The following MYLK4 variants were observed in gnomAD, a reference collection of about 807,000 sequenced individuals.
MYLK4 encodes the protein caMLCK like.
MYLK4 carries 46 observed loss-of-function variants against 48.1 expected under a neutral mutation model. The ratio of observed to expected loss-of-function variants is 0.96; its 90% confidence interval spans 0.75 to 1.22. The LOEUF is 1.22. Among genes scored for constraint, MYLK4 ranks in the 50% most tolerant of loss-of-function variants. The pLI, the probability that MYLK4 is intolerant of heterozygous loss-of-function variation, is 0.00. For synonymous variants in MYLK4, 170 were observed against 180.8 expected (o/e 0.94, Z 0.48); for missense variants, 451 against 486.1 (o/e 0.93, Z 0.68).
chr6:2,770,267 A>G, the MYLK4 span: 3 of 1,614,056 alleles, frequency 1.9e-6, no homozygotes, highest in East Asian at 2.2e-5. Flanking sequence ...AATGGTGACT[A>G]TTTTAATGCG....
rs762308686 is a variant in MYLK4 at position 2,749,193 on chromosome 6, C to T, written c.102G>A (p.Val34=). ...CAGAATTTTTTTCCAGAAAACACTT[C>T]ACTTTCTCCACCTCTTCCCTGCACT... is the stretch of plus-strand genomic sequence containing the variant. ...FFQCREEVEK[V]KCFLEKNSGD... is the part of the protein sequence containing the mutation. Residue 34 remains valine, a synonymous_variant, in exon 2 of 13, where the codon GTG becomes GTA. Coordinates refer to ENST00000274643, the MANE Select transcript of MYLK4 (RefSeq NM_001012418.5). The T allele has an allele frequency of 3.7e-6, 6 of 1,613,972 alleles. No individual in the cohort carries two copies. The highest frequency in any genetic ancestry group is 2.2e-5 in the East Asian group (1 of 44,880).
the MYLK4 span, among the ~76,000 whole-genome samples, chr6:2,764,004 C>T: frequency 2.0e-5 from 3 of 152,146 alleles, no homozygotes; most frequent in Non-Finnish European, 4.4e-5. Context: ...TGGTGGCGGA[C>T]GCCCGTAATT....
chr6:2,685,260 T>G lies in MYLK4; in HGVS notation c.545+36A>C. The G allele has an allele frequency of 1.3e-6, 2 of 1,492,896 alleles. No individual in the cohort carries two copies. The highest frequency in any genetic ancestry group is 1.9e-6 in the Non-Finnish European group (2 of 1,072,616). The allele number at this position is 1,492,896 out of a possible 1,614,324, so 92.5% of individuals were successfully genotyped here. A position where few individuals can be genotyped will look rare whatever the true frequency, so the allele number is the denominator to read the frequency against. On this transcript the variant is annotated intron_variant, in intron 6 of 12. Transcript: ENST00000274643. The surrounding 1 kb of genome is among the most constrained non-coding windows in gnomAD (Gnocchi z 4.5). Reference sequence around the variant, plus strand: ...GCACGGTCACGGTCATGAGTGCCCTTGGGGAGGTCAGGGAGGGGGCGGAGG... The same window carrying G: ...GCACGGTCACGGTCATGAGTGCCCTGGGGGAGGTCAGGGAGGGGGCGGAGG...
intron 2 of MYLK4, among the ~76,000 whole-genome samples, chr6:2,734,021 G>A (rs994469619): frequency 2.0e-5 from 3 of 151,884 alleles, no homozygotes; most frequent in Non-Finnish European, 2.9e-5. Flanking sequence ...AAGCCCAAAC[G>A]GACCACAGAC....
chr6:2,723,999 C>A (rs1379613124), intron 2 of MYLK4, among the ~76,000 whole-genome samples: 2 of 152,128 alleles, frequency 1.3e-5, no homozygotes, highest in Non-Finnish European at 2.9e-5. Flanking sequence ...GCCTCAGCCT[C>A]CCAAGTAACT....
chr6:2,666,443 C>T lies in MYLK4; in HGVS notation c.*1482G>A, dbSNP rs188652449. On this transcript the variant is annotated 3_prime_UTR_variant, in exon 13 of 13. Transcript: ENST00000274643. ...TACTCGGGAGGCTGCAGGAGAATCG[C>T]TTGAACCTGGGAGGCGGAGGTTGCA... 3 of 152,274 alleles carry T rather than the reference C, an allele frequency of 2.0e-5. No individual in the cohort carries two copies. Among genetic ancestry groups the T allele is most frequent in the Admixed American group, 1.3e-4 (2 of 15,288 alleles). 9.4% of individuals were successfully genotyped at this position (152,274 alleles called of 1,614,324 possible).
At position 2,688,968 on chromosome 6, in the gene MYLK4, G is replaced by A; in HGVS notation, c.236-12C>T. 1.2e-6 allele frequency: 2 copies of A among 1,612,842 alleles called. No homozygotes were observed. Among genetic ancestry groups the A allele is most frequent in the Non-Finnish European group, 1.7e-6 (2 of 1,178,812 alleles). The stretch of plus-strand genomic sequence containing the variant: ...AGCCGGGATGTCAACTAGAAGGTGA[G>A]AGAAACAGAAGGGCAATCTGTCAAG... On this transcript the variant is annotated splice_polypyrimidine_tract_variant and intron_variant, in intron 3 of 12. Coordinates refer to ENST00000274643, the MANE Select transcript of MYLK4 (RefSeq NM_001012418.5).
the MYLK4 span, chr6:2,770,051 A>AACTT: frequency 6.3e-7 from 1 of 1,595,554 alleles, no homozygotes; most frequent in South Asian, 1.1e-5. Context: ...AGGGATAGCC[A>AACTT]ACTTACATAG....
intron 2 of MYLK4, among the ~76,000 whole-genome samples, chr6:2,743,498 A>G (rs1251870187): frequency 6.6e-6 from 1 of 152,258 alleles, no homozygotes; most frequent in African/African-American, 2.4e-5. Context: ...AGAGAAGGCT[A>G]TGCTCAGAAG....
At chr6:2,682,407 T>C (rs373550134) in intron 7 of MYLK4, among the ~76,000 whole-genome samples, 1 of 151,998 alleles carries the variant, frequency 6.6e-6, no homozygotes, top group Non-Finnish European at 1.5e-5. Context: ...GGGCAATCAA[T>C]AGGAGGAGAA....
chr6:2,765,562 GCCT>G, the MYLK4 span: 1 of 1,392,508 alleles, frequency 7.2e-7, no homozygotes, highest in South Asian at 1.5e-5. Context: ...GGCATCGAAG[GCCT>G]CCGCGTGCGC....
the MYLK4 span, among the ~76,000 whole-genome samples, chr6:2,766,687 C>G: frequency 6.6e-6 from 1 of 152,226 alleles, no homozygotes; most frequent in African/African-American, 2.4e-5. Flanking sequence ...AGGACGATGT[C>G]TGTGAATCCA....
the MYLK4 span, chr6:2,766,097 G>A: frequency 7.6e-7 from 1 of 1,315,298 alleles, no homozygotes. Flanking sequence ...CAGCTGGGAC[G>A]AGGCGGAGGC....
chr6:2,732,390 T>G (rs1561873617), intron 2 of MYLK4, among the ~76,000 whole-genome samples: 1 of 152,158 alleles, frequency 6.6e-6, no homozygotes, highest in Non-Finnish European at 1.5e-5. Flanking sequence ...CTCATCGTGA[T>G]GGGCACTGGA....
At chr6:2,684,422 G>A (rs571441083) in intron 6 of MYLK4, among the ~76,000 whole-genome samples, 130 of 152,302 alleles carry the variant, frequency 8.5e-4, no homozygotes, top group African/African-American at 3.1e-3. Context: ...CATGGAAAGT[G>A]AAAGTGTGGG....
At chr6:2,749,789 T>C (rs544678597) in intron 1 of MYLK4, among the ~76,000 whole-genome samples, 322 of 152,220 alleles carry the variant, frequency 2.1e-3, no homozygotes, top group Non-Finnish European at 3.3e-3. Flanking sequence ...AGAAGGGGTC[T>C]CTCTGCTTCC....
At chr6:2,678,820 C>T (rs1489662119) in intron 9 of MYLK4, among the ~76,000 whole-genome samples, 2 of 151,336 alleles carry the variant, frequency 1.3e-5, no homozygotes, top group African/African-American at 4.9e-5. Flanking sequence ...AATTCTCCTG[C>T]AGCCTCCCGA....
chr6:2,727,278 T>C (rs555852005), intron 2 of MYLK4, among the ~76,000 whole-genome samples: 5 of 152,302 alleles, frequency 3.3e-5, no homozygotes, highest in Admixed American at 3.3e-4. Flanking sequence ...ATTCCACTAC[T>C]GTAAGATTCT....
At chr6:2,713,325 G>A (rs1266057694) in intron 2 of MYLK4, among the ~76,000 whole-genome samples, 2 of 150,756 alleles carry the variant, frequency 1.3e-5, no homozygotes, top group Non-Finnish European at 2.9e-5. Flanking sequence ...AGCCAAGATC[G>A]ATCGCATCAT....
Sources: gnomAD v4.1 joint callset for allele counts (sites outside exome capture counted in the v4.1 genomes callset) on GRCh38, gnomAD v4.1.1 for gene constraint, Gnocchi (gnomAD v3.1) non-coding constraint, MANE v1.5 for transcripts, NCBI Gene and HGNC (gene_info 2026-07-23, HGNC 2026-07-21) for gene names.